The following SUCLA2 variants were observed in gnomAD, a reference collection of about 807,000 sequenced individuals.
SUCLA2 encodes the protein succinate-CoA ligase ADP-forming subunit beta, also known as succinate--CoA ligase [ADP-forming] subunit beta, mitochondrial.
In SUCLA2, 30 loss-of-function variants were observed where a neutral mutation model predicts 54.8. The ratio of observed to expected loss-of-function variants is 0.55; its 90% confidence interval spans 0.41 to 0.74. SUCLA2 has a LOEUF of 0.74. Among genes scored for constraint, SUCLA2 ranks in the 30% least tolerant of loss-of-function variants. The pLI, the probability that SUCLA2 is intolerant of heterozygous loss-of-function variation, is 0.00. For missense variants in SUCLA2, 476 were observed against 562.9 expected, an observed-to-expected ratio of 0.85 and a Z score of 1.56; for synonymous variants, 172 against 188.9, an observed-to-expected ratio of 0.91 and a Z score of 0.74.
At chr13:47,997,961 G>C (rs1410780921) in intron 1 of SUCLA2, among the ~76,000 whole-genome samples, 1 of 152,096 alleles carries the variant, frequency 6.6e-6, no homozygotes, top group Non-Finnish European at 1.5e-5. Context: ...TCACTCAGTT[G>C]ATTCTTAAGA....
chr13:47,961,171 A>G (rs1949868185), intron 6 of SUCLA2, among the ~76,000 whole-genome samples: 2 of 152,312 alleles, frequency 1.3e-5, no homozygotes, highest in South Asian at 4.2e-4. Flanking sequence ...ATTAACTTTA[A>G]TAATATATAA....
intron 2 of SUCLA2, among the ~76,000 whole-genome samples, chr13:47,990,060 TA>T (rs1413328742): frequency 3.3e-5 from 5 of 152,064 alleles, no homozygotes; most frequent in Non-Finnish European, 7.4e-5. Context: ...TGATCAAGAG[TA>T]AATGGGCCCG....
chr13:47,971,294 G>A (rs1319677825), intron 5 of SUCLA2, among the ~76,000 whole-genome samples: 3 of 151,850 alleles, frequency 2.0e-5, no homozygotes, highest in Non-Finnish European at 4.4e-5. Flanking sequence ...GTGCATGCCT[G>A]TAATCCTAGC....
chr13:48,000,157 G>A (rs921878056), intron 1 of SUCLA2, among the ~76,000 whole-genome samples: 9 of 150,234 alleles, frequency 6.0e-5, no homozygotes, highest in African/African-American at 2.0e-4. Context: ...AAAAAAGGTA[G>A]GGGCGGGAGG....
At chr13:48,000,232 G>GGA (rs1043002607) in intron 1 of SUCLA2, among the ~76,000 whole-genome samples, 1 of 151,882 alleles carries the variant, frequency 6.6e-6, no homozygotes, top group Non-Finnish European at 1.5e-5. Context: ...CCAAAACTCT[G>GGA]GAATTGACTT....
At chr13:47,989,038 T>C in intron 2 of SUCLA2, 57 bp from the exon 3 acceptor site, 1 of 1,507,206 alleles carries the variant, frequency 6.6e-7, no homozygotes, top group South Asian at 1.1e-5. Flanking sequence ...CCAGACATAG[T>C]ATTTTGTTAT....
intron 2 of SUCLA2, 50 bp downstream of exon 2, chr13:47,996,793 T>C: frequency 6.3e-7 from 1 of 1,582,168 alleles, no homozygotes; most frequent in African/African-American, 1.4e-5. Flanking sequence ...ACTTCAAATC[T>C]TCTCAGAGCT....
intron 4 of SUCLA2, among the ~76,000 whole-genome samples, chr13:47,982,982 G>A (rs1950071185): frequency 6.6e-6 from 1 of 152,152 alleles, no homozygotes; most frequent in South Asian, 2.1e-4. Flanking sequence ...TAGCTAGTCA[G>A]AAATGAGGGT....
At chr13:47,977,063 C>T (rs1212307600) in intron 4 of SUCLA2, among the ~76,000 whole-genome samples, 1 of 149,566 alleles carries the variant, frequency 6.7e-6, no homozygotes, top group Non-Finnish European at 1.5e-5. Context: ...AAATTGACAA[C>T]CCTTTAACTA....
chr13:47,961,114 T>C (rs1949867242), intron 6 of SUCLA2, among the ~76,000 whole-genome samples: 1 of 152,222 alleles, frequency 6.6e-6, no homozygotes, highest in Admixed American at 6.5e-5. Context: ...AAATCTTACC[T>C]TATGGTCAAA....
chr13:47,970,085 G>C (rs937554698), intron 5 of SUCLA2, among the ~76,000 whole-genome samples: 1 of 145,636 alleles, frequency 6.9e-6, no homozygotes, highest in African/African-American at 2.5e-5. Flanking sequence ...CTGGGCGACA[G>C]AGTGAGACTC....
rs1043253538 is a variant in SUCLA2, at chr13:47,943,420, G to T, written c.1343C>A (p.Thr448Asn). 3 of 1,613,696 alleles carry T rather than the reference G, an allele frequency of 1.9e-6. No homozygotes were observed. The highest frequency in any genetic ancestry group is 2.5e-6 in the Non-Finnish European group (3 of 1,179,844). Residue 448 changes from threonine (T) to asparagine (N), a missense_variant, in exon 11 of 11, where the codon ACC (threonine) becomes AAC (asparagine). Transcript: ENST00000646932. ...ATCCACATGTGCTTGCTTCGCTAAG[G>T]TCACTATTTCAGAGAGCTTTACAAC... ...RMVVKLSEIV[T>N]LAKQAHVDVK...
intron 10 of SUCLA2, 37 bp downstream of exon 10, chr13:47,948,903 T>C (rs778229401): frequency 6.3e-7 from 1 of 1,581,992 alleles, no homozygotes; most frequent in Non-Finnish European, 8.7e-7. Flanking sequence ...AGAATCTGTG[T>C]TTATAAATCC....
chr13:47,970,232 C>T (rs991946507), intron 5 of SUCLA2, among the ~76,000 whole-genome samples: 1 of 151,662 alleles, frequency 6.6e-6, no homozygotes, highest in African/African-American at 2.4e-5. Flanking sequence ...CCTAAAAAAA[C>T]AAAAACTAAA....
At chr13:47,975,929 C>A (rs963666805) in intron 4 of SUCLA2, among the ~76,000 whole-genome samples, 9 of 152,112 alleles carry the variant, frequency 5.9e-5, no homozygotes, top group Non-Finnish European at 1.3e-4. Context: ...TGGGCTAAGT[C>A]AACTGCACAG....
intron 6 of SUCLA2, among the ~76,000 whole-genome samples, chr13:47,964,889 T>G (rs1293645764): frequency 2.0e-5 from 3 of 151,752 alleles, no homozygotes; most frequent in African/African-American, 7.3e-5. Flanking sequence ...GTGAAGGGCA[T>G]GCAAGACTAT....
intron 2 of SUCLA2, among the ~76,000 whole-genome samples, chr13:47,993,770 C>T (rs1445232588): frequency 1.3e-5 from 2 of 152,174 alleles, no homozygotes; most frequent in African/African-American, 2.4e-5. Flanking sequence ...TGGTGGCTCA[C>T]GCCTATTGTA....
At chr13:47,955,599 C>A (rs2137696181) in intron 6 of SUCLA2, among the ~76,000 whole-genome samples, 1 of 151,890 alleles carries the variant, frequency 6.6e-6, no homozygotes, top group East Asian at 1.9e-4. Context: ...GAAGAAGAAG[C>A]AAAACAGCAG....
In SUCLA2 at chr13:47,971,140, C is replaced by T. The variant is rs138602562; in HGVS notation, c.663+2124G>A. 3.8e-3 allele frequency among the ~76,000 whole-genome samples: 585 copies of T among 152,244 alleles called. 1 individual carries two copies. The highest frequency in any genetic ancestry group is 0.013 in the African/African-American group (546 of 41,552). On this transcript the variant is annotated intron_variant, in intron 5 of 10. Coordinates refer to ENST00000646932, the MANE Select transcript of SUCLA2 (RefSeq NM_003850.3). ...TTAAGGTGAGTCATTAGGCCAGGCG[C>T]GGCGGCTCACACCTGTAATCCCAGC...
Sources: allele counts gnomAD v4.1 joint callset (sites outside exome capture counted in the v4.1 genomes callset), GRCh38; gene constraint gnomAD v4.1.1; transcripts MANE v1.5; gene names NCBI Gene and HGNC (gene_info 2026-07-23, HGNC 2026-07-21).